The following KALRN variants were observed in gnomAD, a reference collection of about 807,000 sequenced individuals.
KALRN encodes kalirin RhoGEF kinase, also known as kalirin.
In KALRN, 70 loss-of-function variants were observed where a neutral mutation model predicts 353.7. The ratio of observed to expected loss-of-function variants is 0.20; its 90% CI spans 0.16 to 0.24. The LOEUF is 0.24. KALRN is among the 10% of genes least tolerant of loss of function. KALRN has a pLI of 1.00. For synonymous variants in KALRN, 1,391 were observed against 1,434.8 expected (o/e 0.97, Z 0.69); for missense variants, 2,791 against 3,756.7 (o/e 0.74, Z 6.72).
intron 34 of KALRN, among the ~76,000 whole-genome samples, chr3:124,627,357 G>C (rs2080074844): frequency 6.6e-6 from 1 of 152,186 alleles, no homozygotes; most frequent in Admixed American, 6.5e-5. Context: ...ATTACTTTTG[G>C]TTTTTAATTT....
chr3:124,430,919 A>T (rs1576868391), intron 16 of KALRN, 144 bp downstream of exon 16: 1 of 1,012,166 alleles, frequency 9.9e-7, no homozygotes, highest in Admixed American at 3.1e-5. Context: ...CCTTCCTCTT[A>T]CCCAAGAGTT....
Position 124,422,912 on chromosome 3 carries a change from A to C in KALRN, c.2643A>C (p.Ala881=). Residue 881 remains alanine, a synonymous_variant, in exon 15 of 60, where the codon GCA becomes GCC. Transcript: ENST00000682506. ...AGCAGCATGAATTGGAGCTCAATGC[A>C]GAGCAGACTCATAAGCGGCTAGAGC... The part of the protein sequence containing the change: ...HEKQHELELN[A]EQTHKRLEQC... The C allele has an allele frequency of 6.2e-7, 1 of 1,613,906 alleles. No homozygotes were observed. The highest frequency in any genetic ancestry group is 1.1e-5 in the South Asian group (1 of 91,068).
rs985577354 is a variant in KALRN at position 124,713,106 on chromosome 3, C to G, written c.8247C>G (p.Ser2749=). ...QYITLHDTYE[S]PTSYILILEL... ...TCACTCTCCATGACACCTATGAGTC[C>G]CCCACATCCTACATCCTGATCTTGG... Residue 2749 remains serine (S), a synonymous_variant, in exon 58 of 60, where the codon TCC becomes TCG. Coordinates refer to ENST00000682506, the MANE Select transcript of KALRN (RefSeq NM_001388419.1). 4 of 1,613,742 alleles carry G rather than the reference C, an allele frequency of 2.5e-6. No individual in the cohort carries two copies. In the African/African-American group the frequency reaches 4.0e-5, roughly 16 times the overall value.
intron 34 of KALRN, among the ~76,000 whole-genome samples, chr3:124,623,665 T>G (rs1472416632): frequency 6.6e-6 from 1 of 152,146 alleles, no homozygotes; most frequent in Admixed American, 6.5e-5. Flanking sequence ...GATTAGATGG[T>G]GCCCACCCAG....
intron 1 of KALRN, among the ~76,000 whole-genome samples, chr3:124,067,564 C>A (rs1577729802): frequency 6.6e-6 from 1 of 152,210 alleles, no homozygotes; most frequent in East Asian, 1.9e-4. Context: ...TAGGTCTGTG[C>A]ACTTAGGATA....
At chr3:124,296,983 GTTTT>G (rs1240095261) in intron 5 of KALRN, among the ~76,000 whole-genome samples, 1 of 152,104 alleles carries the variant, frequency 6.6e-6, no homozygotes, top group East Asian at 1.9e-4. Flanking sequence ...ATCAGTAGAT[GTTTT>G]TTTGAGTTGT....
intron 27 of KALRN, 82 bp downstream of exon 27, chr3:124,477,416 G>C: frequency 9.4e-7 from 1 of 1,063,572 alleles, no homozygotes; most frequent in Non-Finnish European, 1.4e-6. Context: ...TGGATATTTA[G>C]CTATCCTTTT....
At position 124,395,344 on chromosome 3, in the gene KALRN, G is replaced by A. The variant is rs780625837; in HGVS notation, c.2171+1G>A. ...CCCTCGGGGAGCCCAGCGAGGCCAG[G>A]TCAGCATGGGCAGAGCTTTCCAGTG... On this transcript the variant is annotated splice_donor_variant, in intron 12 of 59. Coordinates refer to ENST00000682506, the MANE Select transcript of KALRN (RefSeq NM_001388419.1). LOFTEE classifies it high-confidence loss of function. The A allele has an allele frequency of 6.2e-7, 1 of 1,609,782 alleles. No homozygotes were observed. Among genetic ancestry groups the A allele is most frequent in the South Asian group, 1.1e-5 (1 of 90,160 alleles).
At chr3:124,286,126 T>TCTTTCTTTCTTTCTTTC (rs1560463443) in intron 5 of KALRN, among the ~76,000 whole-genome samples, 9 of 148,662 alleles carry the variant, frequency 6.1e-5, no homozygotes, top group African/African-American at 1.8e-4. Context: ...TTTCTTTCTT[T>TCTTTCTTTCTTTCTTTC]CTTTCTTTCT....
chr3:124,117,000 C>T (rs900877523), intron 1 of KALRN, among the ~76,000 whole-genome samples: 6 of 152,190 alleles, frequency 3.9e-5, no homozygotes, highest in East Asian at 1.9e-4. Context: ...GACCTTAGGC[C>T]TCTTGCTTTG....
chr3:124,068,598 C>T (rs545549249), intron 1 of KALRN, among the ~76,000 whole-genome samples: 2 of 152,300 alleles, frequency 1.3e-5, no homozygotes, highest in Non-Finnish European at 2.9e-5. Context: ...GCAGCTAGTA[C>T]AAAACCCTCT....
intron 11 of KALRN, among the ~76,000 whole-genome samples, chr3:124,389,946 G>GA (rs2089079149): frequency 6.6e-6 from 1 of 152,112 alleles, no homozygotes; most frequent in Non-Finnish European, 1.5e-5. Flanking sequence ...TACTTATAGA[G>GA]AAAAGCTACT....
chr3:124,185,563 C>T (rs1037720082), intron 1 of KALRN, among the ~76,000 whole-genome samples: 5 of 152,198 alleles, frequency 3.3e-5, no homozygotes, highest in African/African-American at 1.2e-4. Context: ...GACTCGCCTT[C>T]CTTGGCAGGT....
chr3:124,408,236 C>T (rs1040218898), intron 13 of KALRN, among the ~76,000 whole-genome samples: 11 of 152,250 alleles, frequency 7.2e-5, no homozygotes, highest in Admixed American at 5.2e-4. Flanking sequence ...GTGAAGAAAA[C>T]TGAATTATGG....
intron 1 of KALRN, among the ~76,000 whole-genome samples, chr3:124,044,745 C>T (rs1444851036): frequency 6.6e-6 from 1 of 151,864 alleles, no homozygotes; most frequent in Non-Finnish European, 1.5e-5. Flanking sequence ...TGACATATTA[C>T]ATGTACGACA....
At chr3:124,717,714 C>T (rs369638801) in intron 59 of KALRN, among the ~76,000 whole-genome samples, 17 of 152,156 alleles carry the variant, frequency 1.1e-4, no homozygotes, top group African/African-American at 3.9e-4. Context: ...AAGTGGCAAC[C>T]TTGCAGGGAA....
chr3:124,368,312 G>C (rs1190912646), intron 10 of KALRN, among the ~76,000 whole-genome samples: 13 of 142,912 alleles, frequency 9.1e-5, no homozygotes, highest in Non-Finnish European at 1.3e-4. Context: ...AGATGGGGTG[G>C]CTGCCGGGCG....
chr3:124,515,140 T>C (rs1219667658), intron 33 of KALRN, among the ~76,000 whole-genome samples: 1 of 152,246 alleles, frequency 6.6e-6, no homozygotes, highest in Non-Finnish European at 1.5e-5. Flanking sequence ...CATGTTCTCC[T>C]TTTGTGGCTA....
intron 1 of KALRN, among the ~76,000 whole-genome samples, chr3:124,035,942 G>A (rs2039374048): frequency 6.6e-6 from 1 of 152,224 alleles, no homozygotes; most frequent in Admixed American, 6.5e-5. Flanking sequence ...AGAGGGGGTA[G>A]GTCAAGGACT....
Sources: gnomAD v4.1 joint callset for allele counts (sites outside exome capture counted in the v4.1 genomes callset) on GRCh38, gnomAD v4.1.1 for gene constraint, MANE v1.5 for transcripts, NCBI Gene and HGNC (gene_info 2026-07-23, HGNC 2026-07-21) for gene names.